SV2C: variants seen among roughly 807,000 people sequenced by gnomAD.
SV2C encodes solute carrier family 22 member B3.
In SV2C, 49 loss-of-function variants were observed where a neutral mutation model predicts 79.7. The observed-to-expected ratio is 0.61, with a 90% CI of 0.49 to 0.78. SV2C has a LOEUF of 0.78. SV2C is among the 30% of genes least tolerant of loss of function. The pLI, the probability that SV2C is intolerant of heterozygous loss-of-function variation, is 0.00. For synonymous variants in SV2C, 334 were observed against 333.2 expected, an observed-to-expected ratio of 1.00 and a Z score of -0.03; for missense variants, 833 against 912.9, an observed-to-expected ratio of 0.91 and a Z score of 1.13.
chr5:76,278,805 G>A (rs1433994782), intron 4 of SV2C, among the ~76,000 whole-genome samples: 1 of 152,220 alleles, frequency 6.6e-6, no homozygotes, highest in Non-Finnish European at 1.5e-5. Context: ...CAGAGCTGTG[G>A]GAGGCTTTCA....
chr5:76,147,142 G>A (rs574408637), intron 2 of SV2C, among the ~76,000 whole-genome samples: 3 of 152,294 alleles, frequency 2.0e-5, no homozygotes, highest in African/African-American at 7.2e-5. Flanking sequence ...AATGGTGATG[G>A]CTGACAGCAT....
In SV2C at chr5:76,181,298, A is replaced by AT. The variant is rs533189838; in HGVS notation, c.581-13619dup. Reference sequence around the variant, plus strand: ...CATGCCGCAGCAGCAGAGCTGAGTCATTGCAGTAGAGTCCGTATGGCCCAC... The same window carrying AT: ...CATGCCGCAGCAGCAGAGCTGAGTCATTTGCAGTAGAGTCCGTATGGCCCAC... On this transcript the variant is annotated intron_variant, in intron 2 of 12. Coordinates refer to ENST00000502798, the MANE Select transcript of SV2C (RefSeq NM_014979.4). Among the ~76,000 whole-genome samples, 12 of 152,298 alleles carry AT rather than the reference A, an allele frequency of 7.9e-5. No homozygotes were observed. The East Asian group carries it at 2.3e-3, about 29-fold the overall frequency.
chr5:75,888,905 T>G, the SV2C span, among the ~76,000 whole-genome samples: 1 of 151,934 alleles, frequency 6.6e-6, no homozygotes. Context: ...AGAAATTTCT[T>G]TCCTCACAAT....
At position 76,126,666 on chromosome 5, in the gene SV2C, C is replaced by T. The variant is rs144972297; in HGVS notation, c.-101-4984C>T. Among the ~76,000 whole-genome samples, 55 of 152,282 alleles carry T rather than the reference C, an allele frequency of 3.6e-4. No homozygotes were observed. The South Asian group carries it at 5.4e-3, about 15-fold the overall frequency. ...AAGAGAGGAAGAGGGATGTTATGAG[C>T]CCCTCTGCCCAATCCCAGCACACTA... On this transcript the variant is annotated intron_variant, in intron 1 of 12. Transcript: ENST00000502798.
At chr5:75,990,895 AC>A in the SV2C span, among the ~76,000 whole-genome samples, 1 of 152,014 alleles carries the variant, frequency 6.6e-6, no homozygotes, top group African/African-American at 2.4e-5. Context: ...TTGGCTGTGC[AC>A]CAAGTCTGAT....
intron 4 of SV2C, among the ~76,000 whole-genome samples, chr5:76,264,961 G>A (rs957752792): frequency 3.9e-5 from 6 of 152,202 alleles, no homozygotes; most frequent in South Asian, 2.1e-4. Flanking sequence ...GAGCTTGAGC[G>A]CTGTGCTAGG....
intron 4 of SV2C, among the ~76,000 whole-genome samples, chr5:76,271,395 G>GT (rs1746849795): frequency 1.3e-5 from 2 of 152,174 alleles, no homozygotes; most frequent in African/African-American, 4.8e-5. Flanking sequence ...ACCGAAAAGA[G>GT]TTTAACATGA....
the SV2C span, among the ~76,000 whole-genome samples, chr5:75,954,468 C>G: frequency 6.6e-6 from 1 of 151,940 alleles, no homozygotes; most frequent in Non-Finnish European, 1.5e-5. Context: ...GAAGCATTCC[C>G]TTTGAAAACT....
At chr5:75,994,169 G>T in the SV2C span, among the ~76,000 whole-genome samples, 2 of 152,052 alleles carry the variant, frequency 1.3e-5, no homozygotes, top group African/African-American at 4.8e-5. Context: ...TGGTACACAT[G>T]AGCAAATTTA....
chr5:75,917,388 T>C, the SV2C span, among the ~76,000 whole-genome samples: 2 of 152,166 alleles, frequency 1.3e-5, no homozygotes, highest in Non-Finnish European at 1.5e-5. Context: ...TCAGAGTGAA[T>C]TATGCTTGAC....
At chr5:76,128,386 G>A (rs1484636252) in intron 1 of SV2C, among the ~76,000 whole-genome samples, 3 of 152,112 alleles carry the variant, frequency 2.0e-5, no homozygotes, top group Admixed American at 6.5e-5. Context: ...TTAGAGAAGC[G>A]GTTATAAAAC....
rs887836676 is a variant in SV2C at position 76,328,316 on chromosome 5, C to G, written c.*2769C>G. On this transcript the variant is annotated 3_prime_UTR_variant, in exon 13 of 13. Transcript: ENST00000502798. ...AAACCTAGGAAATAGTCCACTTGCT[C>G]CTATATTTTTACCACCTTTTCTAAC... is the stretch of plus-strand genomic sequence containing the variant. The G allele has an allele frequency of 6.6e-6, 1 of 152,160 alleles. No homozygotes were observed. The highest frequency in any genetic ancestry group is 1.9e-4 in the East Asian group (1 of 5,196). 9.4% of individuals were successfully genotyped at this position (152,160 alleles called of 1,614,324 possible).
chr5:76,041,946 ACG>A, the SV2C span, among the ~76,000 whole-genome samples: 134 of 152,104 alleles, frequency 8.8e-4, no homozygotes, highest in Middle Eastern at 3.4e-3. Context: ...AAAATCCAGA[ACG>A]CTCCCCCTGC....
the SV2C span, among the ~76,000 whole-genome samples, chr5:75,941,703 G>C: frequency 6.6e-6 from 1 of 152,124 alleles, no homozygotes; most frequent in Admixed American, 6.6e-5. Flanking sequence ...GGCACTTTAG[G>C]CCTCAGAGGC....
Position 76,298,883 on chromosome 5 carries a change from A to C in SV2C, c.1592A>C (p.Tyr531Ser). The C allele has an allele frequency of 6.2e-7, 1 of 1,614,002 alleles. No individual in the cohort carries two copies. The highest frequency in any genetic ancestry group is 8.5e-7 in the Non-Finnish European group (1 of 1,179,916). Residue 531 changes from tyrosine (Y) to serine (S), a missense_variant, in exon 10 of 13, where the codon TAC (tyrosine) becomes TCC (serine). Physicochemically the swap from Tyr to Ser is moderately radical, Grantham distance 144. Coordinates refer to ENST00000502798, the MANE Select transcript of SV2C (RefSeq NM_014979.4). ...TFEDVTSVNT[Y>S]FKNCTFIDTV... The stretch of plus-strand genomic sequence containing the variant: ...GAGGATGTAACTTCAGTGAACACCT[A>C]CTTCAAGAACTGCACATTTATTGAC...
intron 12 of SV2C, among the ~76,000 whole-genome samples, chr5:76,310,909 T>G (rs895702638): frequency 6.6e-6 from 1 of 151,732 alleles, no homozygotes; most frequent in Non-Finnish European, 1.5e-5. Flanking sequence ...GCTGGCAGAG[T>G]GGAATACAAA....
chr5:76,122,563 A>T (rs1748550107), intron 1 of SV2C, among the ~76,000 whole-genome samples: 1 of 152,052 alleles, frequency 6.6e-6, no homozygotes, highest in African/African-American at 2.4e-5. Context: ...CTAATTTATA[A>T]GAAACTCACT....
intron 4 of SV2C, among the ~76,000 whole-genome samples, chr5:76,284,319 T>C (rs983390546): frequency 3.9e-5 from 6 of 152,128 alleles, no homozygotes; most frequent in African/African-American, 1.4e-4. Flanking sequence ...AAGTGTTCTA[T>C]TTAGAAATGT....
intron 2 of SV2C, among the ~76,000 whole-genome samples, chr5:76,169,688 G>C (rs1171288063): frequency 6.6e-6 from 1 of 152,200 alleles, no homozygotes; most frequent in African/African-American, 2.4e-5. Flanking sequence ...AACCGATTAA[G>C]GAAGCTCACA....
Sources: allele counts gnomAD v4.1 joint callset (sites outside exome capture counted in the v4.1 genomes callset), GRCh38; gene constraint gnomAD v4.1.1; transcripts MANE v1.5; gene names NCBI Gene and HGNC (gene_info 2026-07-23, HGNC 2026-07-21).